MTOR: variants seen among roughly 807,000 people sequenced by gnomAD.
MTOR encodes mechanistic target of rapamycin kinase.
In MTOR, 70 loss-of-function variants were observed where a neutral mutation model predicts 319.8. The ratio of observed to expected loss-of-function variants is 0.22; its 90% CI spans 0.18 to 0.27. The LOEUF (loss-of-function observed/expected upper bound fraction) is 0.27, where lower values mean the gene tolerates loss of function less well. MTOR is among the 10% of genes least tolerant of loss of function. MTOR has a pLI of 1.00. For missense variants in MTOR, 1,890 were observed against 3,274.4 expected (o/e 0.58, Z 10.32); for synonymous variants, 1,183 against 1,211.4 (o/e 0.98, Z 0.49).
Position 11,126,736 on chromosome 1 carries a change from A to G in MTOR, c.6412T>C (p.Leu2138=). ...GGGTCATATGTTCCTGGCACAGCCA[A>G]TTCAAGGTCCCGGCACATCAGAAGT... The part of the protein sequence containing the change: ...PKLLMCRDLE[L]AVPGTYDPNQ... The change falls in exon 46 of 58, where the codon TTG becomes CTG. Residue 2138 remains leucine, a synonymous_variant. Coordinates refer to ENST00000361445, the MANE Select transcript of MTOR (RefSeq NM_004958.4). 3 of 1,614,158 alleles carry G rather than the reference A, an allele frequency of 1.9e-6. No homozygotes were observed. The highest frequency in any genetic ancestry group is 2.5e-6 in the Non-Finnish European group (3 of 1,180,020).
intron 34 of MTOR, among the ~76,000 whole-genome samples, chr1:11,142,263 C>A (rs1253769387): frequency 4.0e-5 from 6 of 151,796 alleles, no homozygotes; most frequent in Non-Finnish European, 8.8e-5. Flanking sequence ...GCCTGTAATC[C>A]CAGAACTTTG....
chr1:11,241,320 CAAA>C (rs750527139), intron 10 of MTOR, among the ~76,000 whole-genome samples: 3 of 52,944 alleles, frequency 5.7e-5, no homozygotes, highest in Admixed American at 4.1e-4. Context: ...GACCCCTTCT[CAAA>C]AAAAAAAAAA....
chr1:11,212,253 C>CA lies in MTOR; in HGVS notation c.3561+58dup. The CA allele has an allele frequency of 6.5e-7, 1 of 1,546,046 alleles. No individual in the cohort carries two copies. On this transcript the variant is annotated intron_variant, in intron 23 of 57. Transcript: ENST00000361445. The surrounding 1 kb of genome is among the most constrained non-coding windows in gnomAD (Gnocchi z 4.1). ...AGACAAAGTCTGAGTGGCTCACAGACAAAGTCTTCTTTCCAAATAAGGCAG... is the reference window on the plus strand; with the variant it reads ...AGACAAAGTCTGAGTGGCTCACAGACAAAAGTCTTCTTTCCAAATAAGGCAG...
intron 19 of MTOR, among the ~76,000 whole-genome samples, chr1:11,222,071 A>G (rs187351209): frequency 1.3e-5 from 2 of 152,058 alleles, no homozygotes; most frequent in Non-Finnish European, 2.9e-5. Flanking sequence ...ATTATACTAA[A>G]AAATTGATAA....
chr1:11,248,497 T>C lies in MTOR; in HGVS notation c.841-403A>G, dbSNP rs149013113. Among the ~76,000 whole-genome samples the C allele has an allele frequency of 4.2e-3, 639 of 152,322 alleles. 5 individuals are homozygous for C. The highest frequency in any genetic ancestry group is 0.014 in the African/African-American group (602 of 41,564). ...TGTTAAGGACTGTCTGATCTCTTTC[T>C]TCTCCCTAGAAACCCAGGTAAAAAC... On this transcript the variant is annotated intron_variant, in intron 6 of 57. Coordinates refer to ENST00000361445, the MANE Select transcript of MTOR (RefSeq NM_004958.4).
intron 47 of MTOR, 75 bp downstream of exon 47, chr1:11,124,423 A>C: frequency 1.9e-6 from 3 of 1,549,310 alleles, no homozygotes; most frequent in Non-Finnish European, 2.6e-6. Context: ...GATATAATAC[A>C]TGACTACACG....
chr1:11,211,730 G>A (rs1336918263), intron 23 of MTOR, among the ~76,000 whole-genome samples: 1 of 152,120 alleles, frequency 6.6e-6, no homozygotes, highest in Admixed American at 6.6e-5. Context: ...GTCCAGGAAT[G>A]ATATTTTGAG....
At chr1:11,220,061 G>GAAAAAAAAAAAA (rs1214418546) in intron 19 of MTOR, among the ~76,000 whole-genome samples, 1 of 21,690 alleles carries the variant, frequency 4.6e-5, no homozygotes, top group Admixed American at 5.4e-4. Context: ...GAAAAGAAAA[G>GAAAAAAAAAAAA]AAAGAAAAAA....
chr1:11,165,478 T>G (rs1233314870), intron 29 of MTOR, among the ~76,000 whole-genome samples: 21 of 151,808 alleles, frequency 1.4e-4, no homozygotes, highest in Admixed American at 1.2e-3. Flanking sequence ...AAATCATGAG[T>G]GAACTCCCAT....
chr1:11,254,641 G>T (rs1473770874), intron 5 of MTOR, among the ~76,000 whole-genome samples: 4 of 152,138 alleles, frequency 2.6e-5, no homozygotes, highest in Non-Finnish European at 4.4e-5. Flanking sequence ...CTCTGCAGCA[G>T]TAATCAGCAC....
rs1644346138 is a variant in MTOR, at chr1:11,157,198, C to T, written c.4423G>A (p.Glu1475Lys). ...CAGCGCATGCGGCCCAGCATCAGCT[C>T]TGGGTCGTCCTTGTTGGTGTCCATT... is the stretch of plus-strand genomic sequence containing the variant. ...KKMDTNKDDP[E>K]LMLGRMRCLE... is the part of the protein sequence containing the mutation. The change falls in exon 30 of 58, where the codon GAG becomes AAG. Residue 1475 changes from glutamate to lysine, a missense_variant. Glu to Lys is a moderately conservative substitution (Grantham distance 56, BLOSUM62 1). Around this residue, in one of 15 missense-constraint regions of MTOR, gnomAD observed 276 missense variants for 459.4 expected, o/e 0.60. Coordinates refer to ENST00000361445, the MANE Select transcript of MTOR (RefSeq NM_004958.4). 1 of 1,614,008 alleles carries T rather than the reference C, an allele frequency of 6.2e-7. No individual in the cohort carries two copies. The highest frequency in any genetic ancestry group is 1.3e-5 in the African/African-American group (1 of 75,032).
chr1:11,160,344 C>A (rs562506872), intron 29 of MTOR, among the ~76,000 whole-genome samples: 12 of 152,252 alleles, frequency 7.9e-5, no homozygotes, highest in African/African-American at 1.2e-4. Context: ...AGGTGATCTG[C>A]CCATCTCGGC....
chr1:11,193,646 G>A, intron 28 of MTOR: 1 of 1,613,798 alleles, frequency 6.2e-7, no homozygotes. Flanking sequence ...AAGTGGCCTT[G>A]TCTCCTTCTA....
intron 5 of MTOR, 151 bp from the exon 6 acceptor site, chr1:11,254,124 C>A: frequency 1.1e-6 from 1 of 894,338 alleles, no homozygotes. Flanking sequence ...TGATCAATCT[C>A]TTTTATTTAA....
intron 28 of MTOR, among the ~76,000 whole-genome samples, chr1:11,173,014 GACCGAGTCTCACTCTGTC>G (rs1306676171): frequency 6.8e-6 from 1 of 148,046 alleles, no homozygotes; most frequent in Non-Finnish European, 1.5e-5. Context: ...TTTTTTTTGA[GACCGAGTCTCACTCTGTC>G]ACCCAGGCTG....
At chr1:11,134,123 G>T (rs757779793) in intron 37 of MTOR, among the ~76,000 whole-genome samples, 7 of 152,106 alleles carry the variant, frequency 4.6e-5, no homozygotes, top group Non-Finnish European at 8.8e-5. Context: ...AAAACCAGAC[G>T]CCAGGAGAAC....
rs1174383282 is a variant in MTOR at position 11,240,311 on chromosome 1, T to A, written c.1778A>T (p.Glu593Val). Reference protein sequence around the residue: ...TLALRTLGSFEFEGHSLTQFV... With the variant: ...TLALRTLGSFVFEGHSLTQFV... The stretch of plus-strand genomic sequence containing the variant: ...CCGTTGTAATTTCTTACCTTCAAAT[T>A]CAAAGCTGCCAAGCGTTCGGAGGGC... Residue 593 changes from glutamate (E) to valine (V), a missense_variant, in exon 11 of 58, where the codon GAA becomes GTA. Physicochemically the swap from Glu to Val is moderately radical, Grantham distance 121. Transcript: ENST00000361445. The A allele has an allele frequency of 1.9e-6, 3 of 1,557,562 alleles. No homozygotes were observed. Among genetic ancestry groups the A allele is most frequent in the Admixed American group, 4.0e-5 (2 of 49,410 alleles).
intron 28 of MTOR, among the ~76,000 whole-genome samples, chr1:11,171,800 C>T (rs1400001713): frequency 6.6e-6 from 1 of 151,764 alleles, no homozygotes; most frequent in Non-Finnish European, 1.5e-5. Context: ...TTTGGGAGGC[C>T]AAGGTAGGAG....
At chr1:11,228,547 G>C (rs781522289) in intron 19 of MTOR, 121 bp downstream of exon 19, 12 of 1,332,386 alleles carry the variant, frequency 9.0e-6, no homozygotes, top group Non-Finnish European at 1.2e-5. Context: ...GGAGTTAAGG[G>C]GGAGGAAGGC....
Sources: gnomAD v4.1 joint callset for allele counts (sites outside exome capture counted in the v4.1 genomes callset) on GRCh38, gnomAD v4.1.1 for gene constraint, gnomAD v4.1.1 regional missense constraint, Gnocchi (gnomAD v3.1) non-coding constraint, MANE v1.5 for transcripts, NCBI Gene and HGNC (gene_info 2026-07-23, HGNC 2026-07-21) for gene names.